HCN1: variants seen among roughly 807,000 people sequenced by gnomAD.
HCN1 encodes hyperpolarization activated cyclic nucleotide gated potassium channel 1, also known as potassium/sodium hyperpolarization-activated cyclic nucleotide-gated channel 1.
Under a neutral mutation model 78.9 loss-of-function variants are expected in HCN1, and 13 were observed. The observed-to-expected ratio is 0.16, with a 90% CI of 0.11 to 0.26. The LOEUF (loss-of-function observed/expected upper bound fraction) is 0.26. Ranked by LOEUF, HCN1 falls within the 10% of genes least tolerant of loss-of-function variation. HCN1 has a pLI of 1.00. For synonymous variants in HCN1, 552 were observed against 455.5 expected (o/e 1.21, Z -2.70); for missense variants, 810 against 1,154.3 (o/e 0.70, Z 4.32).
At chr5:45,403,633 T>C (rs4133429) in intron 3 of HCN1, among the ~76,000 whole-genome samples, 75,873 of 151,918 alleles carry the variant, frequency 0.5, 20,292 homozygotes, top group African/African-American at 0.69. Flanking sequence ...CGGGTTCCTC[T>C]CACAGCATGT....
At chr5:45,595,622 G>A (rs1472975347) in intron 2 of HCN1, among the ~76,000 whole-genome samples, 2 of 151,972 alleles carry the variant, frequency 1.3e-5, no homozygotes, top group Non-Finnish European at 2.9e-5. Context: ...TATATTTAAG[G>A]TATAATTTAG....
At chr5:45,514,432 T>G (rs1254623152) in intron 2 of HCN1, among the ~76,000 whole-genome samples, 1 of 152,138 alleles carries the variant, frequency 6.6e-6, no homozygotes, top group Non-Finnish European at 1.5e-5. Context: ...ATTAAAATAC[T>G]GACTGGATCA....
chr5:45,496,362 C>T (rs1311857025), intron 2 of HCN1, among the ~76,000 whole-genome samples: 1 of 151,650 alleles, frequency 6.6e-6, no homozygotes, highest in African/African-American at 2.4e-5. Context: ...GTATCCATTT[C>T]TTCTAGATTT....
In HCN1 at chr5:45,372,198, T is replaced by A. The variant is rs1171575955; in HGVS notation, c.1231-18952A>T. Among the ~76,000 whole-genome samples, 230 of 62,898 alleles carry A rather than the reference T, an allele frequency of 3.7e-3. 8 individuals carry two copies. The East Asian group carries it at 0.12, about 34-fold the overall frequency. The allele number at this position is 62,898 out of a possible 152,430, so 41.3% of individuals were successfully genotyped here. On this transcript the variant is annotated intron_variant, in intron 4 of 7. Coordinates refer to ENST00000303230, the MANE Select transcript of HCN1 (RefSeq NM_021072.4). ...ATATTATAATATAATACAATTAATA[T>A]AATACATATTATATAATATAATATA... is the stretch of plus-strand genomic sequence containing the variant.
chr5:45,340,111 G>T (rs1452148946), intron 5 of HCN1, among the ~76,000 whole-genome samples: 1 of 152,038 alleles, frequency 6.6e-6, no homozygotes, highest in Non-Finnish European at 1.5e-5. Context: ...AGTAAAGACT[G>T]GGTTTCACTA....
chr5:45,431,213 A>T lies in HCN1; in HGVS notation c.1011+30633T>A, dbSNP rs191259430. Among the ~76,000 whole-genome samples, 32 of 152,276 alleles carry T rather than the reference A, an allele frequency of 2.1e-4. No homozygotes were observed. In the East Asian group the frequency reaches 5.2e-3, roughly 25 times the overall value. On this transcript the variant is annotated intron_variant, in intron 3 of 7. Coordinates refer to ENST00000303230, the MANE Select transcript of HCN1 (RefSeq NM_021072.4). Reference sequence around the variant, plus strand: ...GATTAGTAATGTTGAATACTTTTTCATATGCACTTGTTGGCTGCATGTATG... The same window carrying T: ...GATTAGTAATGTTGAATACTTTTTCTTATGCACTTGTTGGCTGCATGTATG...
intron 1 of HCN1, among the ~76,000 whole-genome samples, chr5:45,673,954 A>G (rs947337505): frequency 1.3e-5 from 2 of 151,596 alleles, no homozygotes; most frequent in African/African-American, 4.8e-5. Context: ...ATTGTTAATT[A>G]CGTATGTTAA....
intron 2 of HCN1, among the ~76,000 whole-genome samples, chr5:45,631,805 T>C (rs187729995): frequency 9.2e-5 from 14 of 152,280 alleles, no homozygotes; most frequent in African/African-American, 3.1e-4. Context: ...TAAAAAATCA[T>C]ATAATTTAGG....
At chr5:45,300,602 G>A (rs951353931) in intron 6 of HCN1, among the ~76,000 whole-genome samples, 1 of 151,948 alleles carries the variant, frequency 6.6e-6, no homozygotes, top group Non-Finnish European at 1.5e-5. Context: ...TCAACTATTT[G>A]TATTATTGTT....
chr5:45,490,134 A>T (rs1206595892), intron 2 of HCN1, among the ~76,000 whole-genome samples: 1 of 152,182 alleles, frequency 6.6e-6, no homozygotes, highest in South Asian at 2.1e-4. Context: ...AGGGAACAAC[A>T]TGTGCAAAAT....
At chr5:45,293,453 G>C (rs1445552001) in intron 6 of HCN1, among the ~76,000 whole-genome samples, 1 of 151,762 alleles carries the variant, frequency 6.6e-6, no homozygotes, top group Non-Finnish European at 1.5e-5. Context: ...AGGTGAGCCT[G>C]GGTGACAGAG....
intron 2 of HCN1, among the ~76,000 whole-genome samples, chr5:45,539,477 A>G (rs531839433): frequency 8.5e-4 from 129 of 151,136 alleles, no homozygotes; most frequent in Middle Eastern, 3.5e-3. Context: ...CTTGGCTAAC[A>G]CGGTGAAACC....
At chr5:45,352,080 T>C (rs1002675315) in intron 5 of HCN1, among the ~76,000 whole-genome samples, 1 of 152,158 alleles carries the variant, frequency 6.6e-6, no homozygotes, top group African/African-American at 2.4e-5. Flanking sequence ...TGCACACGTA[T>C]GTTTATTGCG....
intron 5 of HCN1, among the ~76,000 whole-genome samples, chr5:45,323,818 G>C (rs746164792): frequency 6.6e-6 from 1 of 151,844 alleles, no homozygotes; most frequent in East Asian, 1.9e-4. Context: ...TGTGGTGTTT[G>C]GTTTTTTGTC....
chr5:45,586,973 A>G (rs540872417), intron 2 of HCN1, among the ~76,000 whole-genome samples: 1 of 152,298 alleles, frequency 6.6e-6, no homozygotes, highest in Admixed American at 6.5e-5. Context: ...TAATCATTCC[A>G]TTATATCTTT....
chr5:45,493,029 T>C (rs1390300720), intron 2 of HCN1, among the ~76,000 whole-genome samples: 1 of 152,068 alleles, frequency 6.6e-6, no homozygotes, highest in Non-Finnish European at 1.5e-5. Context: ...AGAATCATTC[T>C]TTCTTATAAT....
rs183105442 is a variant in HCN1, at chr5:45,438,669, C to T, written c.1011+23177G>A. 2.0e-5 allele frequency among the ~76,000 whole-genome samples: 3 copies of T among 151,918 alleles called. No homozygotes were observed. The East Asian group carries it at 5.8e-4, about 29-fold the overall frequency. On this transcript the variant is annotated intron_variant, in intron 3 of 7. Coordinates refer to ENST00000303230, the MANE Select transcript of HCN1 (RefSeq NM_021072.4). ...ACAACAAAACACCTGAGTTAAATTG[C>T]AGCTCTACTATTTACAGTGAGTGAT...
At position 45,695,832 on chromosome 5, in the gene HCN1, G is replaced by C. The variant is rs774375241; in HGVS notation, c.262C>G (p.Arg88Gly). 12 of 1,603,682 alleles carry C rather than the reference G, an allele frequency of 7.5e-6. No homozygotes were observed. The highest frequency in any genetic ancestry group is 3.4e-5 in the Admixed American group (2 of 59,616). Residue 88 changes from arginine (R) to glycine (G), a missense_variant, in exon 1 of 8, where the codon CGG becomes GGG. Arg to Gly is a moderately radical substitution (Grantham distance 125, BLOSUM62 -2). This residue lies in a region of HCN1 where 170 missense variants were observed against 166.8 expected (regional missense o/e 1.02). Coordinates refer to ENST00000303230, the MANE Select transcript of HCN1 (RefSeq NM_021072.4). ...CTCTGCATGAAGCCGTACTGCCGCC[G>C]GGGCCCCTCGGCGTCTTCGAAGCCC... ...AGGFEDAEGP[R>G]RQYGFMQRQF...
intron 2 of HCN1, among the ~76,000 whole-genome samples, chr5:45,524,264 C>A (rs961324525): frequency 6.6e-6 from 1 of 152,090 alleles, no homozygotes; most frequent in African/African-American, 2.4e-5. Context: ...GTTACTGTAG[C>A]CTTGTAGTAT....
Sources: allele counts gnomAD v4.1 joint callset (sites outside exome capture counted in the v4.1 genomes callset), GRCh38; gene constraint gnomAD v4.1.1; regional missense constraint gnomAD v4.1.1; transcripts MANE v1.5; gene names NCBI Gene and HGNC (gene_info 2026-07-23, HGNC 2026-07-21).